The following UNC5D variants were observed in gnomAD, a reference collection of about 807,000 sequenced individuals.
The protein encoded by UNC5D is netrin receptor UNC5D.
Under a neutral mutation model 105.4 loss-of-function variants are expected in UNC5D, and 39 were observed. The ratio of observed to expected loss-of-function variants is 0.37; its 90% CI spans 0.29 to 0.48. The LOEUF is 0.48. UNC5D is among the 20% of genes least tolerant of loss of function. The probability of loss-of-function intolerance (pLI) is 0.98; values close to 1 mark genes in which losing one functional copy is unlikely to be tolerated. For missense variants in UNC5D, 991 were observed against 1,202.4 expected (o/e 0.82, Z 2.60); for synonymous variants, 452 against 450.4 (o/e 1.00, Z -0.04).
chr8:35,416,707 GA>G (rs948494416), intron 1 of UNC5D, among the ~76,000 whole-genome samples: 27 of 148,218 alleles, frequency 1.8e-4, no homozygotes, highest in Middle Eastern at 3.4e-3. Flanking sequence ...AACTGGAAGA[GA>G]AAAAAAAAAT....
At chr8:35,342,583 C>T (rs1170121909) in intron 1 of UNC5D, among the ~76,000 whole-genome samples, 1 of 152,042 alleles carries the variant, frequency 6.6e-6, no homozygotes, top group South Asian at 2.1e-4. Flanking sequence ...CTAAGAAATA[C>T]TCAAGACCTC....
intron 3 of UNC5D, among the ~76,000 whole-genome samples, chr8:35,585,771 A>G (rs1332498438): frequency 2.0e-5 from 3 of 151,510 alleles, no homozygotes; most frequent in Admixed American, 2.0e-4. Flanking sequence ...AATATAATAT[A>G]TAATAATAAG....
chr8:35,613,715 G>A (rs1820844581), intron 4 of UNC5D, among the ~76,000 whole-genome samples: 1 of 152,226 alleles, frequency 6.6e-6, no homozygotes, highest in African/African-American at 2.4e-5. Flanking sequence ...CAGGCATGGT[G>A]GTGCATGCTT....
At chr8:35,663,319 A>G (rs969683126) in intron 4 of UNC5D, among the ~76,000 whole-genome samples, 2 of 152,036 alleles carry the variant, frequency 1.3e-5, no homozygotes, top group Non-Finnish European at 2.9e-5. Flanking sequence ...TTGGCTAGGT[A>G]TCCCTTCTGT....
intron 16 of UNC5D, among the ~76,000 whole-genome samples, chr8:35,786,353 C>T (rs1189452956): frequency 2.6e-5 from 4 of 152,124 alleles, no homozygotes; most frequent in African/African-American, 7.2e-5. Flanking sequence ...AGACCTGTGC[C>T]AGGAGAGTTA....
At chr8:35,277,616 C>T (rs1409973873) in intron 1 of UNC5D, among the ~76,000 whole-genome samples, 11 of 152,162 alleles carry the variant, frequency 7.2e-5, no homozygotes, top group South Asian at 4.1e-4. Flanking sequence ...CTGCCGCTCA[C>T]GGCCCTCATT....
intron 4 of UNC5D, among the ~76,000 whole-genome samples, chr8:35,639,562 T>A (rs1822584107): frequency 2.0e-5 from 3 of 152,120 alleles, no homozygotes; most frequent in Admixed American, 1.3e-4. Context: ...TAATATTAAA[T>A]CTTAATCCTT....
intron 4 of UNC5D, among the ~76,000 whole-genome samples, chr8:35,667,907 T>G (rs1824534844): frequency 6.6e-6 from 1 of 152,180 alleles, no homozygotes; most frequent in Non-Finnish European, 1.5e-5. Context: ...AAGTTGTGAT[T>G]AAAGTTATTC....
chr8:35,459,358 AG>A (rs1325930097), intron 1 of UNC5D, among the ~76,000 whole-genome samples: 1 of 152,212 alleles, frequency 6.6e-6, no homozygotes, highest in Non-Finnish European at 1.5e-5. Flanking sequence ...AACAAGGAAA[AG>A]CAGGCTAATA....
chr8:35,666,974 A>G (rs558050690), intron 4 of UNC5D, among the ~76,000 whole-genome samples: 1 of 152,270 alleles, frequency 6.6e-6, no homozygotes, highest in African/African-American at 2.4e-5. Flanking sequence ...CTGGGAAGGT[A>G]AAATGTGGTA....
At chr8:35,636,641 T>A (rs894007958) in intron 4 of UNC5D, among the ~76,000 whole-genome samples, 1 of 152,114 alleles carries the variant, frequency 6.6e-6, no homozygotes, top group African/African-American at 2.4e-5. Context: ...GGCCCTGTCT[T>A]CCCCAGTGAG....
At chr8:35,616,281 A>G (rs1821019790) in intron 4 of UNC5D, among the ~76,000 whole-genome samples, 1 of 152,210 alleles carries the variant, frequency 6.6e-6, no homozygotes, top group East Asian at 1.9e-4. Flanking sequence ...AAAGCGCTTT[A>G]TGTGTCAGAT....
intron 3 of UNC5D, among the ~76,000 whole-genome samples, chr8:35,573,754 C>CAA (rs1054619712): frequency 1.4e-4 from 22 of 152,160 alleles, no homozygotes; most frequent in African/African-American, 5.3e-4. Flanking sequence ...TGCATGCATG[C>CAA]ACACACACAT....
intron 1 of UNC5D, among the ~76,000 whole-genome samples, chr8:35,498,079 C>CAAAAAAAAAAAAAAAA (rs141361517): frequency 8.4e-5 from 5 of 59,412 alleles, no homozygotes; most frequent in Non-Finnish European, 1.4e-4. Context: ...CAAAACAAAA[C>CAAAAAAAAAAAAAAAA]AAAACAAAAA....
chr8:35,477,748 A>G (rs1337092674), intron 1 of UNC5D, among the ~76,000 whole-genome samples: 1 of 152,162 alleles, frequency 6.6e-6, no homozygotes, highest in Non-Finnish European at 1.5e-5. Context: ...AATAGCCACT[A>G]GTTAACACTC....
chr8:35,705,307 C>A (rs1827500519), intron 7 of UNC5D, among the ~76,000 whole-genome samples: 1 of 152,132 alleles, frequency 6.6e-6, no homozygotes, highest in Non-Finnish European at 1.5e-5. Context: ...GGGTGCACTG[C>A]TAAATACTGT....
intron 9 of UNC5D, among the ~76,000 whole-genome samples, chr8:35,725,511 A>AT (rs1440220799): frequency 7.2e-5 from 11 of 151,960 alleles, no homozygotes; most frequent in Admixed American, 3.9e-4. Context: ...TGGGTGGTGC[A>AT]TTTTTTCCCT....
chr8:35,502,972 G>C (rs1427223124), intron 1 of UNC5D, among the ~76,000 whole-genome samples: 3 of 152,258 alleles, frequency 2.0e-5, no homozygotes, highest in African/African-American at 7.2e-5. Context: ...TCAAAGTGTG[G>C]TCCATAGACC....
chr8:35,255,260 A>G (rs148976725), intron 1 of UNC5D: 121 of 152,248 alleles, frequency 7.9e-4, no homozygotes, highest in African/African-American at 2.8e-3. Flanking sequence ...ACACATCTTC[A>G]ATGCTTTGGA....
Sources: allele counts gnomAD v4.1 joint callset (sites outside exome capture counted in the v4.1 genomes callset), GRCh38; gene constraint gnomAD v4.1.1; transcripts MANE v1.5; gene names NCBI Gene and HGNC (gene_info 2026-07-23, HGNC 2026-07-21).